Variants in FARS2 observed in about 807,000 individuals in gnomAD.
FARS2 encodes the protein phenylalanine--tRNA ligase, mitochondrial.
A neutral mutation model predicts 46.4 loss-of-function variants in FARS2; 40 were observed. The observed-to-expected ratio is 0.86, with a 90% CI of 0.67 to 1.12. The LOEUF (loss-of-function observed/expected upper bound fraction) is 1.12. Among genes scored for constraint, FARS2 ranks in the 50% most tolerant of loss-of-function variants. The pLI, the probability that FARS2 is intolerant of heterozygous loss-of-function variation, is 0.00. For synonymous variants in FARS2, 234 were observed against 214.9 expected, an observed-to-expected ratio of 1.09 and a Z score of -0.78; for missense variants, 513 against 567.9, an observed-to-expected ratio of 0.90 and a Z score of 0.98.
chr6:5,618,953 G>A (rs187952730), intron 6 of FARS2, among the ~76,000 whole-genome samples: 166 of 152,340 alleles, frequency 1.1e-3, no homozygotes, highest in Admixed American at 2.9e-3. Context: ...CATCACATTT[G>A]TAATATGAAT....
rs150533314 is a variant in FARS2 at position 5,404,834 on chromosome 6, C to T, written c.772+133C>T. 20,065 of 608,510 alleles carry T rather than the reference C, an allele frequency of 0.033. 484 individuals are homozygous for T. The highest frequency in any genetic ancestry group is 0.067 in the Middle Eastern group (139 of 2,074). The allele number at this position is 608,510 out of a possible 1,614,324, so 37.7% of individuals were successfully genotyped here. ...TTTTTCCCCGAGACGGAGTCTTGCT[C>T]TGTCACCCAGGCTGGAGTATAGTGG... On this transcript the variant is annotated intron_variant, in intron 3 of 6. Coordinates refer to ENST00000274680, the MANE Select transcript of FARS2 (RefSeq NM_006567.5).
At chr6:5,329,780 G>A (rs536280679) in intron 1 of FARS2, among the ~76,000 whole-genome samples, 1 of 152,168 alleles carries the variant, frequency 6.6e-6, no homozygotes, top group African/African-American at 2.4e-5. Flanking sequence ...AGTGCTCTGG[G>A]TGTGATGCCT....
intron 6 of FARS2, among the ~76,000 whole-genome samples, chr6:5,699,708 C>G (rs574116284): frequency 6.6e-6 from 1 of 152,236 alleles, no homozygotes; most frequent in African/African-American, 2.4e-5. Flanking sequence ...GAGGTTTCAC[C>G]ATGCTGGCCA....
At chr6:5,251,937 T>A in the FARS2 span, among the ~76,000 whole-genome samples, 1 of 152,294 alleles carries the variant, frequency 6.6e-6, no homozygotes, top group East Asian at 1.9e-4. Context: ...GGTAATATAT[T>A]AAAGAGTTCC....
At chr6:5,640,724 C>G (rs1776775233) in intron 6 of FARS2, among the ~76,000 whole-genome samples, 1 of 152,230 alleles carries the variant, frequency 6.6e-6, no homozygotes, top group African/African-American at 2.4e-5. Context: ...ACACCAGACA[C>G]CTGACCCATA....
chr6:5,695,183 G>T (rs933422979), intron 6 of FARS2: 1 of 152,192 alleles, frequency 6.6e-6, no homozygotes, highest in African/African-American at 2.4e-5. Context: ...ACTGCCATTT[G>T]TCCTGAGCCT....
At chr6:5,344,639 C>T (rs1482870467) in intron 1 of FARS2, among the ~76,000 whole-genome samples, 1 of 152,158 alleles carries the variant, frequency 6.6e-6, no homozygotes, top group Non-Finnish European at 1.5e-5. Context: ...TGAGAGTGAG[C>T]TTGCTTGGCT....
intron 6 of FARS2, among the ~76,000 whole-genome samples, chr6:5,639,772 T>C (rs775810058): frequency 5.3e-5 from 8 of 152,338 alleles, no homozygotes; most frequent in East Asian, 3.9e-4. Flanking sequence ...GACCAGTGGC[T>C]GCTTACCACT....
intron 1 of FARS2, among the ~76,000 whole-genome samples, chr6:5,327,200 T>C (rs988691248): frequency 9.9e-5 from 15 of 152,222 alleles, no homozygotes; most frequent in Admixed American, 4.6e-4. Flanking sequence ...TTATTATCTT[T>C]CATTTTATAG....
intron 6 of FARS2, among the ~76,000 whole-genome samples, chr6:5,642,641 C>T (rs79289630): frequency 0.028 from 4,324 of 152,098 alleles, 90 homozygotes; most frequent in Middle Eastern, 0.048. Flanking sequence ...AAAAATTGAA[C>T]TTCCTCCTGT....
At chr6:5,643,924 C>G (rs938995534) in intron 6 of FARS2, among the ~76,000 whole-genome samples, 2 of 152,322 alleles carry the variant, frequency 1.3e-5, no homozygotes, top group East Asian at 1.9e-4. Context: ...TGTAGAGAAG[C>G]TAGAAGAGGC....
intron 1 of FARS2, among the ~76,000 whole-genome samples, chr6:5,363,345 G>C (rs1219925564): frequency 1.3e-5 from 2 of 152,054 alleles, no homozygotes; most frequent in Non-Finnish European, 2.9e-5. Flanking sequence ...CCCATTCTGT[G>C]AGTTGTCTCT....
intron 3 of FARS2, among the ~76,000 whole-genome samples, chr6:5,424,488 T>G (rs1031803995): frequency 6.6e-6 from 1 of 152,198 alleles, no homozygotes; most frequent in Non-Finnish European, 1.5e-5. Flanking sequence ...TGCATTCATG[T>G]GGAGAGGCCT....
chr6:5,323,286 T>G (rs1240114873), intron 1 of FARS2, among the ~76,000 whole-genome samples: 1 of 152,200 alleles, frequency 6.6e-6, no homozygotes, highest in Non-Finnish European at 1.5e-5. Context: ...GCTCCATAAT[T>G]TATTTATTTT....
chr6:5,547,375 C>CTT (rs1179938775), intron 5 of FARS2, among the ~76,000 whole-genome samples: 1 of 145,002 alleles, frequency 6.9e-6, no homozygotes, highest in Non-Finnish European at 1.5e-5. Flanking sequence ...CTTCACTTGT[C>CTT]TTTTTGTTTT....
intron 4 of FARS2, among the ~76,000 whole-genome samples, chr6:5,544,105 TC>T (rs112872533): frequency 0.023 from 3,526 of 152,232 alleles, 111 homozygotes; most frequent in African/African-American, 0.078. Flanking sequence ...ATTTGTTCCG[TC>T]CCACTGTAGA....
At chr6:5,592,154 G>A (rs1773953553) in intron 5 of FARS2, among the ~76,000 whole-genome samples, 2 of 152,208 alleles carry the variant, frequency 1.3e-5, no homozygotes, top group South Asian at 4.1e-4. Context: ...GGAGGCCAAG[G>A]TGGGAAGACT....
chr6:5,717,921 T>TAGAGAGAG (rs1561818430), intron 6 of FARS2, among the ~76,000 whole-genome samples: 2 of 30,506 alleles, frequency 6.6e-5, no homozygotes, highest in African/African-American at 5.7e-4. Flanking sequence ...TATATATATA[T>TAGAGAGAG]ATATATATAT....
chr6:5,273,815 T>G (rs1438327621), intron 1 of FARS2, among the ~76,000 whole-genome samples: 4 of 152,212 alleles, frequency 2.6e-5, no homozygotes. Flanking sequence ...GTCTTAGATT[T>G]AAATCTTTAA....
Sources: gnomAD v4.1 joint callset for allele counts (sites outside exome capture counted in the v4.1 genomes callset) on GRCh38, gnomAD v4.1.1 for gene constraint, MANE v1.5 for transcripts, NCBI Gene and HGNC (gene_info 2026-07-23, HGNC 2026-07-21) for gene names.